The following PPP2R2C variants were observed in gnomAD, a reference collection of about 807,000 sequenced individuals.
The protein encoded by PPP2R2C is protein phosphatase 2 regulatory subunit Bgamma, also known as protein phosphatase 2, regulatory subunit B, gamma.
Under a neutral mutation model 45.3 loss-of-function variants are expected in PPP2R2C, and 10 were observed. The observed-to-expected ratio is 0.22, with a 90% CI of 0.14 to 0.37. The LOEUF is 0.37. PPP2R2C is among the 10% of genes least tolerant of loss of function. PPP2R2C has a pLI of 1.00. For missense variants in PPP2R2C, 308 were observed against 619.7 expected (o/e 0.50, Z 5.34); for synonymous variants, 257 against 245.4 (o/e 1.05, Z -0.44).
intron 1 of PPP2R2C, chr4:6,382,397 C>T (rs1009876848): frequency 1.5e-6 from 2 of 1,350,504 alleles, no homozygotes; most frequent in Non-Finnish European, 2.0e-6. Flanking sequence ...AGAGAGGACA[C>T]TCCACAGGGT....
chr4:6,328,374 G>A lies in PPP2R2C; in HGVS notation c.1052+888C>T, dbSNP rs777637075. Among the ~76,000 whole-genome samples, 7 of 152,242 alleles carry A rather than the reference G, an allele frequency of 4.6e-5. No homozygotes were observed. The highest frequency in any genetic ancestry group is 9.6e-5 in the African/African-American group (4 of 41,468). On this transcript the variant is annotated intron_variant, in intron 8 of 8. Coordinates refer to ENST00000382599, the MANE Select transcript of PPP2R2C (RefSeq NM_020416.4). The surrounding 1 kb of genome is among the most constrained non-coding windows in gnomAD (Gnocchi z 4.4). ...GAGGCATCCTGTCCTTGAGGAAGCA[G>A]CTGTAGGAGACACTGAGAGGCCACC...
intron 6 of PPP2R2C, among the ~76,000 whole-genome samples, chr4:6,341,461 C>G (rs934711627): frequency 9.9e-5 from 15 of 152,070 alleles, no homozygotes; most frequent in Non-Finnish European, 4.4e-5. Context: ...CTCTGAGGCT[C>G]TATCTTGGCT....
chr4:6,403,653 A>C (rs1027726202), intron 1 of PPP2R2C, among the ~76,000 whole-genome samples: 3 of 152,180 alleles, frequency 2.0e-5, no homozygotes, highest in Non-Finnish European at 4.4e-5. Flanking sequence ...ATTTGAGGTC[A>C]GGAGTTCAAG....
At chr4:6,391,614 G>C (rs1716650623) in intron 1 of PPP2R2C, among the ~76,000 whole-genome samples, 1 of 152,254 alleles carries the variant, frequency 6.6e-6, no homozygotes, top group African/African-American at 2.4e-5. Flanking sequence ...CACCCCAAGA[G>C]CACCAGGTGA....
At chr4:6,404,327 C>T (rs944555152) in intron 1 of PPP2R2C, among the ~76,000 whole-genome samples, 46 of 152,184 alleles carry the variant, frequency 3.0e-4, no homozygotes, top group African/African-American at 1.0e-3. Flanking sequence ...CAGAGGCGCC[C>T]TGTTGAACTT....
intron 1 of PPP2R2C, among the ~76,000 whole-genome samples, chr4:6,395,353 C>T (rs1013357204): frequency 5.3e-5 from 8 of 152,188 alleles, no homozygotes; most frequent in East Asian, 1.9e-4. Context: ...TGCCAGGCAA[C>T]GGGAATTCAG....
At position 6,329,396 on chromosome 4, in the gene PPP2R2C, C is replaced by G. The variant is rs1268834736; in HGVS notation, c.961-43G>C. 6.5e-7 allele frequency: 1 copy of G among 1,531,740 alleles called. No homozygotes were observed. Among genetic ancestry groups the G allele is most frequent in the Non-Finnish European group, 9.0e-7 (1 of 1,106,024 alleles). The allele number at this position is 1,531,740 out of a possible 1,614,324, so 94.9% of individuals were successfully genotyped here. On this transcript the variant is annotated intron_variant, in intron 7 of 8. Transcript: ENST00000382599. This position sits in a 1 kb window ranked among gnomAD's most constrained non-coding sequence, Gnocchi z 5.8. ...GAGGTGAGTGGACGGGGCGTCCCGA[C>G]CATCCTGGCCCTTCCACAAGAAGGG...
In PPP2R2C at chr4:6,331,378, G is replaced by A. The variant is rs1044782945; in HGVS notation, c.961-2025C>T. On this transcript the variant is annotated intron_variant, in intron 7 of 8. Coordinates refer to ENST00000382599, the MANE Select transcript of PPP2R2C (RefSeq NM_020416.4). This position sits in a 1 kb window ranked among gnomAD's most constrained non-coding sequence, Gnocchi z 5.9. ...CCGGCCCCACCTCCCAGGACAGCTG[G>A]GAGGCTTAGATGAGGCAAAGCATAT... 3.3e-5 allele frequency among the ~76,000 whole-genome samples: 5 copies of A among 151,924 alleles called. No homozygotes were observed. Among genetic ancestry groups the A allele is most frequent in the African/African-American group, 1.2e-4 (5 of 41,346 alleles).
Position 6,361,070 on chromosome 4 carries a change from G to A in PPP2R2C, c.625+11453C>T, listed in dbSNP as rs114391723. 8.9e-3 allele frequency among the ~76,000 whole-genome samples: 1,359 copies of A among 152,274 alleles called. 19 individuals are homozygous for A. The highest frequency in any genetic ancestry group is 0.03 in the African/African-American group (1,254 of 41,552). ...TCTCCAAATATAGTCTCATTCTGAG[G>A]TTCTGGGAGTTAGGGTTTCAACATA... On this transcript the variant is annotated intron_variant, in intron 5 of 8. Coordinates refer to ENST00000382599, the MANE Select transcript of PPP2R2C (RefSeq NM_020416.4).
chr4:6,561,573 T>C (rs1725578238), intron 1 of PPP2R2C, among the ~76,000 whole-genome samples: 1 of 152,230 alleles, frequency 6.6e-6, no homozygotes, highest in East Asian at 1.9e-4. Flanking sequence ...CATTTTGCAA[T>C]TTTTTTATTC....
rs1721965168 is a variant in PPP2R2C at position 6,472,530 on chromosome 4, GC to G, written c.-302del. ...CGTGCGCCCGGCGGCGGGGCCTGGT[GC>G]CGGTGCGCCTGGCTGCGGCGACGGC... On this transcript the variant is annotated 5_prime_UTR_variant, in exon 1 of 9. Coordinates refer to ENST00000382599, the MANE Select transcript of PPP2R2C (RefSeq NM_020416.4). The G allele has an allele frequency of 6.7e-6, 1 of 150,160 alleles. No individual in the cohort carries two copies. Among genetic ancestry groups the G allele is most frequent in the Non-Finnish European group, 1.4e-5 (1 of 69,444 alleles). 9.3% of individuals were successfully genotyped at this position (150,160 alleles called of 1,614,324 possible).
At chr4:6,529,002 C>T (rs1305251301) in intron 2 of PPP2R2C, among the ~76,000 whole-genome samples, 5 of 152,210 alleles carry the variant, frequency 3.3e-5, no homozygotes, top group Non-Finnish European at 7.3e-5. Context: ...TCTCTTCACA[C>T]GGACGCGCAC....
chr4:6,395,426 T>C (rs577585182), intron 1 of PPP2R2C, among the ~76,000 whole-genome samples: 1 of 152,272 alleles, frequency 6.6e-6, no homozygotes, highest in Admixed American at 6.5e-5. Flanking sequence ...GGGTTGGGTA[T>C]GCAGCAAGGA....
At chr4:6,348,050 C>T in intron 5 of PPP2R2C, 40 bp from the exon 6 acceptor site, 1 of 1,600,610 alleles carries the variant, frequency 6.2e-7, no homozygotes, top group Non-Finnish European at 8.5e-7. Context: ...GTGAAGGGCG[C>T]CCTCAATGCT....
chr4:6,380,015 C>T (rs1357997483), intron 2 of PPP2R2C: 3 of 152,614 alleles, frequency 2.0e-5, no homozygotes, highest in African/African-American at 7.3e-5. Context: ...TCCCCTGCCT[C>T]TCCTGCTCCA....
At chr4:6,559,502 T>A (rs948233032) in intron 1 of PPP2R2C, among the ~76,000 whole-genome samples, 1 of 151,936 alleles carries the variant, frequency 6.6e-6, no homozygotes, top group African/African-American at 2.4e-5. Flanking sequence ...GTGATCACTG[T>A]GCCAACTACA....
At chr4:6,366,463 T>C (rs947257027) in intron 5 of PPP2R2C, among the ~76,000 whole-genome samples, 1 of 152,176 alleles carries the variant, frequency 6.6e-6, no homozygotes, top group Non-Finnish European at 1.5e-5. Flanking sequence ...CCAAGTCCTA[T>C]GTGGAGCAGG....
chr4:6,396,931 G>A (rs113977799), intron 1 of PPP2R2C, among the ~76,000 whole-genome samples: 2,212 of 149,034 alleles, frequency 0.015, 66 homozygotes, highest in African/African-American at 0.053. Context: ...GCACTGATGC[G>A]AGCCTACTCA....
At chr4:6,403,944 G>A (rs1407044994) in intron 1 of PPP2R2C, among the ~76,000 whole-genome samples, 1 of 152,024 alleles carries the variant, frequency 6.6e-6, no homozygotes, top group African/African-American at 2.4e-5. Flanking sequence ...CACTGTCATG[G>A]GAGAAAAGAG....
Sources: allele counts gnomAD v4.1 joint callset (sites outside exome capture counted in the v4.1 genomes callset), GRCh38; gene constraint gnomAD v4.1.1; non-coding constraint Gnocchi (gnomAD v3.1); transcripts MANE v1.5; gene names NCBI Gene and HGNC (gene_info 2026-07-23, HGNC 2026-07-21).